Variants in CDH22 observed in about 807,000 individuals in gnomAD.
The protein encoded by CDH22 is cadherin-22.
Under a neutral mutation model 58.4 loss-of-function variants are expected in CDH22, and 30 were observed. The observed-to-expected ratio is 0.51, with a 90% CI of 0.38 to 0.70. CDH22 has a LOEUF of 0.70. Ranked by LOEUF, CDH22 falls within the 30% of genes least tolerant of loss-of-function variation. The pLI is 0.00. For synonymous variants in CDH22, 513 were observed against 558.2 expected (o/e 0.92, Z 1.14); for missense variants, 1,014 against 1,233.9 (o/e 0.82, Z 2.67).
intron 10 of CDH22, among the ~76,000 whole-genome samples, chr20:46,179,334 C>T (rs139630117): frequency 6.6e-6 from 1 of 152,348 alleles, no homozygotes; most frequent in Admixed American, 6.5e-5. Flanking sequence ...TCTGGGAGAT[C>T]TGTTGGCAGC....
At chr20:46,258,498 C>T (rs962253762) in intron 1 of CDH22, among the ~76,000 whole-genome samples, 4 of 152,178 alleles carry the variant, frequency 2.6e-5, no homozygotes, top group Admixed American at 6.5e-5. Context: ...CAGACTGTGA[C>T]GGAGCCAACA....
intron 1 of CDH22, among the ~76,000 whole-genome samples, chr20:46,254,987 C>T (rs6032733): frequency 0.053 from 8,035 of 152,168 alleles, 625 homozygotes; most frequent in African/African-American, 0.17. Context: ...AGGCAAAGGC[C>T]TGGAGTCAGA....
At chr20:46,282,570 A>G (rs1473243284) in intron 1 of CDH22, among the ~76,000 whole-genome samples, 1 of 152,254 alleles carries the variant, frequency 6.6e-6, no homozygotes, top group Non-Finnish European at 1.5e-5. Flanking sequence ...AGATTAAAAT[A>G]AAAACACCAA....
intron 5 of CDH22, among the ~76,000 whole-genome samples, chr20:46,213,933 G>C (rs1037131493): frequency 1.3e-5 from 2 of 152,174 alleles, no homozygotes; most frequent in African/African-American, 4.8e-5. Context: ...TATGTCCAAT[G>C]GTGATAGGTA....
At chr20:46,212,964 G>C (rs766317759) in intron 6 of CDH22, 31 bp downstream of exon 6, 14 of 1,597,506 alleles carry the variant, frequency 8.8e-6, no homozygotes, top group Admixed American at 5.0e-5. Context: ...CCTGAGGCCT[G>C]CCTCCCCCAT....
Position 46,213,043 on chromosome 20 carries a change from C to A in CDH22, c.984G>T (p.Lys328Asn). ...DESSSGGDVF[K>N]VTTDSDTQEA... ...CCTGAGTGTCGCTGTCTGTGGTGAC[C>A]TTGAACACATCGCCGCCGCTGCTGC... Residue 328 changes from lysine to asparagine, a missense_variant, in exon 6 of 12, where the codon AAG becomes AAT. Lys to Asn is a moderately conservative substitution (Grantham distance 94, BLOSUM62 0). This residue lies in a region of CDH22 where 806 missense variants were observed against 1,038.7 expected (regional missense o/e 0.78). Transcript: ENST00000537909. 6.2e-7 allele frequency: 1 copy of A among 1,614,200 alleles called. No individual in the cohort carries two copies. The highest frequency in any genetic ancestry group is 1.1e-5 in the South Asian group (1 of 91,076).
At chr20:46,272,957 G>T (rs930443615) in intron 1 of CDH22, among the ~76,000 whole-genome samples, 1 of 152,178 alleles carries the variant, frequency 6.6e-6, no homozygotes, top group African/African-American at 2.4e-5. Context: ...GGCTGTGGGT[G>T]TTACCATTCT....
intron 2 of CDH22, among the ~76,000 whole-genome samples, chr20:46,243,163 A>G (rs1193650968): frequency 6.6e-6 from 1 of 152,200 alleles, no homozygotes; most frequent in Non-Finnish European, 1.5e-5. Context: ...AGGCAGGAGA[A>G]CAGGTGCCCA....
At chr20:46,192,374 C>T (rs954438295) in intron 8 of CDH22, among the ~76,000 whole-genome samples, 2 of 152,126 alleles carry the variant, frequency 1.3e-5, no homozygotes, top group African/African-American at 4.8e-5. Flanking sequence ...ATTGGGTCCC[C>T]TCCATTTCAG....
chr20:46,303,103 T>G (rs1343107055), intron 1 of CDH22, among the ~76,000 whole-genome samples: 59 of 152,220 alleles, frequency 3.9e-4, no homozygotes. Context: ...AAGCTCCTTG[T>G]GTGGCTTTCA....
At chr20:46,255,513 T>C (rs1568675540) in intron 1 of CDH22, among the ~76,000 whole-genome samples, 2 of 152,234 alleles carry the variant, frequency 1.3e-5, no homozygotes, top group Non-Finnish European at 2.9e-5. Context: ...CCCCGCCTTG[T>C]GAGGGCACAA....
In CDH22 at chr20:46,278,379, T is replaced by G. The variant is rs137866543; in HGVS notation, c.-399-26686A>C. ...TCTGCCCCAGGCCTCAGTTTCTCCTTAAAGGTTGTTTCAGCTCCAGGAGAC... is the reference window on the plus strand; with the variant it reads ...TCTGCCCCAGGCCTCAGTTTCTCCTGAAAGGTTGTTTCAGCTCCAGGAGAC... On this transcript the variant is annotated intron_variant, in intron 1 of 11. Transcript: ENST00000537909. Among the ~76,000 whole-genome samples the G allele has an allele frequency of 3.8e-3, 586 of 152,238 alleles. 7 individuals are homozygous for G. The highest frequency in any genetic ancestry group is 0.014 in the African/African-American group (564 of 41,536).
In CDH22 at chr20:46,282,758, G is replaced by A. The variant is rs928844344; in HGVS notation, c.-400+25497C>T. On this transcript the variant is annotated intron_variant, in intron 1 of 11. Coordinates refer to ENST00000537909, the MANE Select transcript of CDH22 (RefSeq NM_021248.3). ...CCCAGTGAGTTCTCCCCCGGGGGAG[G>A]GAAGGGTGGGTGGGTGATTGCCCCT... Among the ~76,000 whole-genome samples the A allele has an allele frequency of 3.9e-5, 6 of 152,042 alleles. No individual in the cohort carries two copies. In the East Asian group the frequency reaches 1.2e-3, roughly 29 times the overall value.
At chr20:46,215,524 G>A (rs1385025413) in intron 5 of CDH22, among the ~76,000 whole-genome samples, 2 of 152,196 alleles carry the variant, frequency 1.3e-5, no homozygotes, top group Non-Finnish European at 2.9e-5. Context: ...GCTAACTGGA[G>A]GGAGGAGTTG....
chr20:46,240,073 G>A (rs1192429756), intron 3 of CDH22, among the ~76,000 whole-genome samples: 1 of 151,966 alleles, frequency 6.6e-6, no homozygotes, highest in African/African-American at 2.4e-5. Context: ...GTGTCTGGGG[G>A]CTTAGCCATC....
intron 1 of CDH22, among the ~76,000 whole-genome samples, chr20:46,258,316 AGAGATG>A (rs1211836811): frequency 2.0e-5 from 3 of 152,034 alleles, no homozygotes; most frequent in Non-Finnish European, 4.4e-5. Context: ...GCATCCCAGT[AGAGATG>A]GCTCAAGACT....
rs985544618 is a variant in CDH22, at chr20:46,300,523, C to T, written c.-400+7732G>A. On this transcript the variant is annotated intron_variant, in intron 1 of 11. Transcript: ENST00000537909. This position sits in a 1 kb window ranked among gnomAD's most constrained non-coding sequence, Gnocchi z 4.4. ...GTGCGCGTGCACACACACATACACA[C>T]ACACTCCACCTCCCCAGCTCCCCTC... is the stretch of plus-strand genomic sequence containing the variant. Among the ~76,000 whole-genome samples the T allele has an allele frequency of 2.0e-5, 3 of 152,228 alleles. No individual in the cohort carries two copies. Among genetic ancestry groups the T allele is most frequent in the Non-Finnish European group, 1.5e-5 (1 of 68,038 alleles).
Position 46,252,395 on chromosome 20 carries a change from C to T in CDH22, c.-399-702G>A, listed in dbSNP as rs146104710. 2.5e-4 allele frequency among the ~76,000 whole-genome samples: 38 copies of T among 152,274 alleles called. No homozygotes were observed. In the East Asian group the frequency reaches 4.6e-3, roughly 19 times the overall value. On this transcript the variant is annotated intron_variant, in intron 1 of 11. Coordinates refer to ENST00000537909, the MANE Select transcript of CDH22 (RefSeq NM_021248.3). ...CAGAAAATATTTCTTTCCCAGAGTCCGAGAGACATCTTTCCTCCCCACTCT... is the reference window on the plus strand; with the variant it reads ...CAGAAAATATTTCTTTCCCAGAGTCTGAGAGACATCTTTCCTCCCCACTCT...
chr20:46,194,890 C>T (rs761744338), intron 8 of CDH22, among the ~76,000 whole-genome samples: 5 of 152,122 alleles, frequency 3.3e-5, no homozygotes, highest in African/African-American at 9.7e-5. Flanking sequence ...CCACCACACC[C>T]GGCTAATTTT....
Sources: gnomAD v4.1 joint callset for allele counts (sites outside exome capture counted in the v4.1 genomes callset) on GRCh38, gnomAD v4.1.1 for gene constraint, gnomAD v4.1.1 regional missense constraint, Gnocchi (gnomAD v3.1) non-coding constraint, MANE v1.5 for transcripts, NCBI Gene and HGNC (gene_info 2026-07-23, HGNC 2026-07-21) for gene names.